The following FOXP2 variants were observed in gnomAD, a reference collection of about 807,000 sequenced individuals.
FOXP2 encodes the protein forkhead box protein P2.
A neutral mutation model predicts 115.8 loss-of-function variants in FOXP2; 12 were observed. The observed-to-expected ratio is 0.10, with a 90% confidence interval of 0.07 to 0.17. FOXP2 has a LOEUF of 0.17. Ranked by LOEUF, FOXP2 falls within the 10% of genes least tolerant of loss-of-function variation. The pLI is 1.00. For missense variants in FOXP2, 629 were observed against 843.5 expected (o/e 0.75, Z 3.15); for synonymous variants, 328 against 297.7 (o/e 1.10, Z -1.05).
At chr7:114,386,104 T>A (rs6964805) in intron 2 of FOXP2, among the ~76,000 whole-genome samples, 146,821 of 152,282 alleles carry the variant, frequency 0.96, 70,986 homozygotes, top group East Asian at 1. Flanking sequence ...TATCAGGAGC[T>A]CAGCGGACAC....
At chr7:114,456,539 A>G (rs1795318848) in intron 2 of FOXP2, among the ~76,000 whole-genome samples, 1 of 152,244 alleles carries the variant, frequency 6.6e-6, no homozygotes, top group South Asian at 2.1e-4. Context: ...AAGTATAGAA[A>G]GTGGGTGTCT....
intron 2 of FOXP2, among the ~76,000 whole-genome samples, chr7:114,481,804 C>CTATCTATCTATA (rs1462006501): frequency 1.4e-5 from 2 of 147,996 alleles, no homozygotes; most frequent in East Asian, 2.0e-4. Flanking sequence ...ATCTATCTAT[C>CTATCTATCTATA]TATCTATATA....
At chr7:114,545,145 T>C (rs898382721) in intron 3 of FOXP2, among the ~76,000 whole-genome samples, 1 of 152,198 alleles carries the variant, frequency 6.6e-6, no homozygotes, top group African/African-American at 2.4e-5. Context: ...TGTTCTCTTT[T>C]GGAACAAGAA....
intron 3 of FOXP2, among the ~76,000 whole-genome samples, chr7:114,584,693 A>G (rs1238211942): frequency 6.6e-6 from 1 of 152,162 alleles, no homozygotes; most frequent in Non-Finnish European, 1.5e-5. Flanking sequence ...GCCCACCACC[A>G]TGGCTTTGCC....
intron 3 of FOXP2, among the ~76,000 whole-genome samples, chr7:114,547,015 T>C (rs927935029): frequency 1.3e-5 from 2 of 152,202 alleles, no homozygotes; most frequent in Admixed American, 1.3e-4. Flanking sequence ...TATTAAAGTA[T>C]GATAATTTAT....
intron 2 of FOXP2, among the ~76,000 whole-genome samples, chr7:114,291,335 T>C (rs1796583700): frequency 1.5e-5 from 2 of 133,058 alleles, no homozygotes; most frequent in East Asian, 4.5e-4. Flanking sequence ...CCTAACTACC[T>C]ACCAAAGGTT....
At chr7:114,603,068 A>G (rs866163831) in intron 3 of FOXP2, among the ~76,000 whole-genome samples, 1 of 152,120 alleles carries the variant, frequency 6.6e-6, no homozygotes, top group Non-Finnish European at 1.5e-5. Context: ...CAGCAAAATG[A>G]TGACTATTTG....
intron 2 of FOXP2, among the ~76,000 whole-genome samples, chr7:114,294,858 A>AC (rs1489682146): frequency 1.0e-4 from 15 of 150,390 alleles, no homozygotes; most frequent in African/African-American, 3.7e-4. Context: ...ATAAATAAAT[A>AC]AATAAATACA....
intron 8 of FOXP2, among the ~76,000 whole-genome samples, chr7:114,651,052 G>A (rs1011022287): frequency 6.6e-6 from 1 of 151,804 alleles, no homozygotes; most frequent in Non-Finnish European, 1.5e-5. Context: ...TATTTTTTCT[G>A]CCTCACTGTG....
At chr7:114,661,422 G>A (rs1049800214) in intron 13 of FOXP2, among the ~76,000 whole-genome samples, 2 of 151,824 alleles carry the variant, frequency 1.3e-5, no homozygotes, top group East Asian at 1.9e-4. Flanking sequence ...ATGTACTCTC[G>A]GGTTCCAGCA....
chr7:114,329,077 AC>A (rs1797630990), intron 2 of FOXP2, among the ~76,000 whole-genome samples: 2 of 152,222 alleles, frequency 1.3e-5, no homozygotes, highest in Admixed American at 1.3e-4. Context: ...CTGAACAAAG[AC>A]GTTTATTTTT....
chr7:114,384,185 T>C (rs1425093842), intron 2 of FOXP2, among the ~76,000 whole-genome samples: 2 of 152,208 alleles, frequency 1.3e-5, no homozygotes, highest in Non-Finnish European at 1.5e-5. Context: ...CGGTCCGGGC[T>C]GCTGGATTCT....
At chr7:114,203,326 T>A (rs184352391) in intron 1 of FOXP2, among the ~76,000 whole-genome samples, 4 of 152,222 alleles carry the variant, frequency 2.6e-5, no homozygotes, top group Admixed American at 2.6e-4. Context: ...TCAGTTTACA[T>A]CTCCATCTTT....
At chr7:114,301,063 A>T (rs1168130699) in intron 2 of FOXP2, among the ~76,000 whole-genome samples, 1 of 152,050 alleles carries the variant, frequency 6.6e-6, no homozygotes, top group Non-Finnish European at 1.5e-5. Context: ...TAAATGATTG[A>T]TATGCTGAAA....
intron 3 of FOXP2, among the ~76,000 whole-genome samples, chr7:114,615,090 G>A (rs1019437903): frequency 3.3e-5 from 5 of 151,958 alleles, no homozygotes; most frequent in East Asian, 1.9e-4. Flanking sequence ...GTGGTGGTGG[G>A]TGCCTGTAAT....
intron 2 of FOXP2, among the ~76,000 whole-genome samples, chr7:114,436,554 A>C (rs1794358361): frequency 6.6e-6 from 1 of 151,662 alleles, no homozygotes; most frequent in East Asian, 2.0e-4. Flanking sequence ...TTTAATACCT[A>C]CTGTGTATTA....
At chr7:114,539,600 G>T (rs1390442327) in intron 3 of FOXP2, among the ~76,000 whole-genome samples, 1 of 151,946 alleles carries the variant, frequency 6.6e-6, no homozygotes, top group Non-Finnish European at 1.5e-5. Context: ...TACAAGAACA[G>T]ACTATGTCTT....
At chr7:114,624,787 C>T (rs914829671) in intron 3 of FOXP2, among the ~76,000 whole-genome samples, 8 of 151,298 alleles carry the variant, frequency 5.3e-5, no homozygotes, top group Non-Finnish European at 1.0e-4. Context: ...TTATGATTTA[C>T]ATATGATTTT....
intron 1 of FOXP2, among the ~76,000 whole-genome samples, chr7:114,274,601 A>T (rs573882361): frequency 6.0e-4 from 60 of 99,780 alleles, no homozygotes; most frequent in African/African-American, 1.9e-3. Context: ...TCCCTCTCAA[A>T]GCTTTTTTTT....
Sources: allele counts gnomAD v4.1 joint callset (sites outside exome capture counted in the v4.1 genomes callset), GRCh38; gene constraint gnomAD v4.1.1; transcripts MANE v1.5; gene names NCBI Gene and HGNC (gene_info 2026-07-23, HGNC 2026-07-21).